The following METTL15 variants were observed in gnomAD, a reference collection of about 807,000 sequenced individuals.
METTL15 encodes the protein 12S rRNA N(4)-cytidine methyltransferase METTL15.
Under a neutral mutation model 38.3 loss-of-function variants are expected in METTL15, and 34 were observed. That is an observed-to-expected ratio of 0.89 (90% CI 0.68 to 1.18). The LOEUF (loss-of-function observed/expected upper bound fraction) is 1.18, where lower values mean the gene tolerates loss of function less well. METTL15 is among the 50% of genes most tolerant of loss of function. The probability of loss-of-function intolerance (pLI) is 0.00; values close to 1 mark genes in which losing one functional copy is unlikely to be tolerated. For missense variants in METTL15, 438 were observed against 498.4 expected (o/e 0.88, Z 1.15); for synonymous variants, 162 against 170.9 (o/e 0.95, Z 0.41).
chr11:28,319,457 TG>T (rs67874434), intron 6 of METTL15, among the ~76,000 whole-genome samples: 1,828 of 149,492 alleles, frequency 0.012, 31 homozygotes, highest in African/African-American at 0.04. Flanking sequence ...AATAAGGTGT[TG>T]TTTTTTTTTT....
intron 3 of METTL15, among the ~76,000 whole-genome samples, chr11:28,142,666 T>C (rs928203276): frequency 6.6e-6 from 1 of 152,140 alleles, no homozygotes; most frequent in Non-Finnish European, 1.5e-5. Context: ...TGGAAAAAGA[T>C]GAAGTTAAGG....
chr11:28,285,024 T>C lies in METTL15; in HGVS notation c.408-5182T>C, dbSNP rs150041306. Among the ~76,000 whole-genome samples, 586 of 152,192 alleles carry C rather than the reference T, an allele frequency of 3.9e-3. 6 individuals are homozygous for C. Among genetic ancestry groups the C allele is most frequent in the African/African-American group, 0.013 (552 of 41,518 alleles). ...GCTGTTCTGGTGATAGTGAGTGAGC[T>C]CTCACAAGATCTGATGGTTTTATAT... On this transcript the variant is annotated intron_variant, in intron 4 of 6. Coordinates refer to ENST00000407364, the MANE Select transcript of METTL15 (RefSeq NM_001113528.2).
intron 4 of METTL15, among the ~76,000 whole-genome samples, chr11:28,357,040 A>G (rs146055035): frequency 2.0e-5 from 3 of 152,168 alleles, no homozygotes; most frequent in Admixed American, 6.5e-5. Flanking sequence ...AGTTGCTATT[A>G]ACATCCTGGC....
intron 4 of METTL15, among the ~76,000 whole-genome samples, chr11:28,234,402 C>G (rs1181796064): frequency 1.3e-5 from 2 of 151,418 alleles, no homozygotes; most frequent in African/African-American, 2.4e-5. Flanking sequence ...AATGGTTGAA[C>G]TAGTTTACAG....
Position 28,113,554 on chromosome 11 carries a change from C to A in METTL15, c.220C>A (p.Pro74Thr). 1 of 1,613,244 alleles carries A rather than the reference C, an allele frequency of 6.2e-7. No homozygotes were observed. The change falls in exon 3 of 7, where the codon CCA becomes ACA. Residue 74 changes from proline (P) to threonine (T), a missense_variant. Physicochemically the swap from Pro to Thr is conservative, Grantham distance 38. Transcript: ENST00000407364. ...DFETMAKLHI[P>T]VMVDEVVHCL... is the part of the protein sequence containing the mutation. The stretch of plus-strand genomic sequence containing the variant: ...TGAAACTATGGCTAAATTACATATT[C>A]CAGTAATGGTGGATGAAGTTGTTCA...
At chr11:28,358,109 T>C (rs1311310591) in intron 4 of METTL15, among the ~76,000 whole-genome samples, 2 of 152,154 alleles carry the variant, frequency 1.3e-5, no homozygotes, top group African/African-American at 2.4e-5. Flanking sequence ...GTATTCTGTC[T>C]ACTGTTCTTA....
At position 28,431,165 on chromosome 11, in the gene METTL15, A is replaced by T. The variant is rs1347273564; in HGVS notation, c.*424+6801A>T. Among the ~76,000 whole-genome samples the T allele has an allele frequency of 2.6e-4, 24 of 92,134 alleles. 4 individuals are homozygous for T. The highest frequency in any genetic ancestry group is 1.3e-4 in the Non-Finnish European group (5 of 37,696). The allele number at this position is 92,134 out of a possible 152,430, so 60.4% of individuals were successfully genotyped here. The stretch of plus-strand genomic sequence containing the variant: ...CATCCGGGAGGGAGGTGGGGGGGTC[A>T]GCCCCCTGCCCGGCCATCCGCCCCG... On this transcript the variant is annotated intron_variant and NMD_transcript_variant, in intron 6 of 7. Transcript: ENST00000532947.
chr11:28,380,525 G>T (rs1322572319), intron 5 of METTL15, among the ~76,000 whole-genome samples: 2 of 152,038 alleles, frequency 1.3e-5, no homozygotes, highest in Middle Eastern at 3.4e-3. Flanking sequence ...TTGCTTTCTG[G>T]TTGTTTTGTA....
At chr11:28,173,554 A>G (rs1239661282) in intron 3 of METTL15, among the ~76,000 whole-genome samples, 2 of 152,198 alleles carry the variant, frequency 1.3e-5, no homozygotes, top group African/African-American at 4.8e-5. Context: ...GATATAACCT[A>G]TACTCATTTT....
At chr11:28,378,299 A>G (rs879837302) in intron 5 of METTL15, among the ~76,000 whole-genome samples, 13 of 152,190 alleles carry the variant, frequency 8.5e-5, no homozygotes, top group Admixed American at 3.9e-4. Context: ...TGTGCTAGCA[A>G]TCAGCGATAC....
chr11:28,233,790 C>T (rs1853799073), intron 4 of METTL15, among the ~76,000 whole-genome samples: 1 of 151,592 alleles, frequency 6.6e-6, no homozygotes, highest in Non-Finnish European at 1.5e-5. Context: ...ATTCCTCTGA[C>T]TCCATTCTTT....
intron 3 of METTL15, among the ~76,000 whole-genome samples, chr11:28,187,180 A>G (rs754408300): frequency 4.0e-5 from 6 of 151,302 alleles, no homozygotes; most frequent in Non-Finnish European, 7.4e-5. Context: ...TTATCCAGTA[A>G]TCCAGAAGTT....
At chr11:28,358,294 G>C (rs1413161191) in intron 4 of METTL15, among the ~76,000 whole-genome samples, 1 of 152,154 alleles carries the variant, frequency 6.6e-6, no homozygotes. Context: ...ACCCTAAGTA[G>C]AGAATCCAGC....
chr11:28,235,623 G>A (rs1319052092), intron 4 of METTL15, among the ~76,000 whole-genome samples: 1 of 152,094 alleles, frequency 6.6e-6, no homozygotes, highest in African/African-American at 2.4e-5. Flanking sequence ...TTATTAGTGT[G>A]TAAGAATGCT....
intron 6 of METTL15, among the ~76,000 whole-genome samples, chr11:28,441,656 T>C (rs1397893706): frequency 2.0e-5 from 3 of 152,218 alleles, no homozygotes; most frequent in Admixed American, 6.5e-5. Context: ...GATTTTCATC[T>C]GGGGCCTCTC....
intron 4 of METTL15, among the ~76,000 whole-genome samples, chr11:28,237,466 C>T (rs2133896112): frequency 6.6e-6 from 1 of 152,262 alleles, no homozygotes; most frequent in Admixed American, 6.5e-5. Context: ...CTCCTTTAAG[C>T]ACTTCTCTGT....
chr11:28,477,954 T>C (rs1468530442), intron 6 of METTL15, among the ~76,000 whole-genome samples: 2 of 152,216 alleles, frequency 1.3e-5, no homozygotes, highest in Non-Finnish European at 2.9e-5. Context: ...TATATAGATA[T>C]GGTTCTTACA....
intron 3 of METTL15, among the ~76,000 whole-genome samples, chr11:28,148,255 A>G (rs1369939875): frequency 3.3e-5 from 5 of 151,964 alleles, no homozygotes; most frequent in African/African-American, 1.2e-4. Flanking sequence ...TTGGAAAGGA[A>G]AGAAATCAAT....
At chr11:28,353,644 G>C (rs1003642389) in intron 4 of METTL15, among the ~76,000 whole-genome samples, 1 of 152,158 alleles carries the variant, frequency 6.6e-6, no homozygotes, top group Non-Finnish European at 1.5e-5. Flanking sequence ...ATAAGATGTC[G>C]GCCGGGCGCG....
Sources: allele counts gnomAD v4.1 joint callset (sites outside exome capture counted in the v4.1 genomes callset), GRCh38; gene constraint gnomAD v4.1.1; transcripts MANE v1.5; gene names NCBI Gene and HGNC (gene_info 2026-07-23, HGNC 2026-07-21).